The following HEATR5A variants were observed in gnomAD, a reference collection of about 807,000 sequenced individuals.
HEATR5A encodes HEAT repeat-containing protein 5A.
Under a neutral mutation model 218.8 loss-of-function variants are expected in HEATR5A, and 178 were observed. The ratio of observed to expected loss-of-function variants is 0.81; its 90% CI spans 0.72 to 0.92. The LOEUF is 0.92. Among genes scored for constraint, HEATR5A ranks in the 40% least tolerant of loss-of-function variants. HEATR5A has a pLI of 0.00. For missense variants in HEATR5A, 2,420 were observed against 2,418.9 expected (o/e 1.00, Z -0.01); for synonymous variants, 864 against 871.6 (o/e 0.99, Z 0.15).
rs185481032 is a variant in HEATR5A, at chr14:31,311,940, G to A, written c.4441+1028C>T. Reference sequence around the variant, plus strand: ...TGGACTGCACAATCTGAGCTGACCCGAATGGCCACTTGTATATATTTTTCT... The same window carrying A: ...TGGACTGCACAATCTGAGCTGACCCAAATGGCCACTTGTATATATTTTTCT... On this transcript the variant is annotated intron_variant, in intron 28 of 35. Transcript: ENST00000543095. 1.4e-4 allele frequency among the ~76,000 whole-genome samples: 21 copies of A among 152,294 alleles called. No homozygotes were observed. The East Asian group carries it at 3.1e-3, about 22-fold the overall frequency.
intron 13 of HEATR5A, among the ~76,000 whole-genome samples, chr14:31,367,892 A>G (rs548293041): frequency 8.5e-5 from 13 of 152,192 alleles, no homozygotes; most frequent in Non-Finnish European, 1.8e-4. Flanking sequence ...ATAAATGAGA[A>G]TATAATACAT....
chr14:31,386,706 A>G (rs1433328090), intron 8 of HEATR5A, 131 bp from the exon 9 acceptor site: 5 of 723,390 alleles, frequency 6.9e-6, no homozygotes, highest in Non-Finnish European at 1.1e-5. Flanking sequence ...ACTTGAGGCA[A>G]TAACTAAAAT....
At chr14:31,312,129 A>G (rs1421905610) in intron 28 of HEATR5A, among the ~76,000 whole-genome samples, 1 of 152,196 alleles carries the variant, frequency 6.6e-6, no homozygotes. Context: ...GCAAGGAGAA[A>G]CAAGAAAGTT....
intron 1 of HEATR5A, among the ~76,000 whole-genome samples, chr14:31,406,078 C>T (rs1421273210): frequency 1.3e-5 from 2 of 152,170 alleles, no homozygotes; most frequent in Non-Finnish European, 2.9e-5. Context: ...GGGCATTTTG[C>T]AAACAGATGG....
chr14:31,318,203 C>T (rs1362940692), intron 26 of HEATR5A, 21 bp downstream of exon 26: 8 of 1,604,594 alleles, frequency 5.0e-6, no homozygotes, highest in Admixed American at 1.7e-5. Context: ...ATCTCTTAAG[C>T]TTCATCTTTT....
At chr14:31,360,822 ATATTTATTGAAGCT>A (rs775500398) in intron 14 of HEATR5A, among the ~76,000 whole-genome samples, 1 of 151,988 alleles carries the variant, frequency 6.6e-6, no homozygotes, top group Non-Finnish European at 1.5e-5. Flanking sequence ...GTAACAACAA[ATATTTATTGAAGCT>A]TACTTTTTTT....
intron 1 of HEATR5A, among the ~76,000 whole-genome samples, chr14:31,418,931 AAAT>A (rs879939890): frequency 2.0e-5 from 3 of 152,202 alleles, no homozygotes; most frequent in Non-Finnish European, 4.4e-5. Context: ...ACAAGTAAAA[AAAT>A]AATTTTTTTC....
At chr14:31,295,557 CTTT>C (rs766889885) in intron 34 of HEATR5A, 15 of 108,540 alleles carry the variant, frequency 1.4e-4, no homozygotes, top group Admixed American at 3.0e-4. Context: ...GCCTCCCTTT[CTTT>C]TTTTTTTTTT....
rs145795069 is a variant in HEATR5A at position 31,384,619 on chromosome 14, C to T, written c.1346-848G>A. ...TTGGTTCACTGCAACCTTCGCCTTC[C>T]GGGTTTAAGTGATCCTCTCGCCTCA... On this transcript the variant is annotated intron_variant, in intron 9 of 35. Transcript: ENST00000543095. Among the ~76,000 whole-genome samples the T allele has an allele frequency of 7.3e-5, 11 of 151,522 alleles. No individual in the cohort carries two copies. In the East Asian group the frequency reaches 9.8e-4, roughly 13 times the overall value.
intron 1 of HEATR5A, among the ~76,000 whole-genome samples, chr14:31,404,950 T>A (rs1469217350): frequency 6.7e-6 from 1 of 149,976 alleles, no homozygotes; most frequent in Non-Finnish European, 1.5e-5. Flanking sequence ...CAGTGCCATG[T>A]GCGATGGCTC....
chr14:31,418,661 T>C (rs541010469), intron 1 of HEATR5A, among the ~76,000 whole-genome samples: 1 of 152,252 alleles, frequency 6.6e-6, no homozygotes, highest in Non-Finnish European at 1.5e-5. Flanking sequence ...AGAAGTGTTA[T>C]TTATATGAGG....
intron 9 of HEATR5A, among the ~76,000 whole-genome samples, chr14:31,385,005 GAAACATGTAAGTT>G (rs570311693): frequency 9.1e-4 from 138 of 152,244 alleles, no homozygotes; most frequent in Non-Finnish European, 1.5e-3. Flanking sequence ...AAACTTTCAT[GAAACATGTAAGTT>G]TCATGTCAAA....
Position 31,394,088 on chromosome 14 carries a change from A to C in HEATR5A, c.736T>G (p.Leu246Val). The C allele has an allele frequency of 6.5e-7, 1 of 1,532,952 alleles. No homozygotes were observed. The highest frequency in any genetic ancestry group is 8.7e-7 in the Non-Finnish European group (1 of 1,145,196). 95.0% of individuals were successfully genotyped at this position (1,532,952 alleles called of 1,614,324 possible). A position where few individuals can be genotyped will look rare whatever the true frequency, so the allele number is the denominator to read the frequency against. The change falls in exon 6 of 36, where the codon TTA becomes GTA. Residue 246 changes from leucine (L) to valine (V), a missense_variant. By Grantham distance (32) the Leu-to-Val change is conservative. Transcript: ENST00000543095. ...ISVSKLLGII[L>V]AKAVISKHPG... is the part of the protein sequence containing the mutation. ...TGTTTAGAAATTACAGCTTTAGCTA[A>C]TATTATGCCTAGTAACTTTGAAACA...
At chr14:31,387,661 G>A (rs914643444) in intron 7 of HEATR5A, among the ~76,000 whole-genome samples, 1 of 151,776 alleles carries the variant, frequency 6.6e-6, no homozygotes, top group African/African-American at 2.4e-5. Context: ...CTGGGTTCAC[G>A]CCATTCTCCT....
At chr14:31,420,433 C>T (rs1454755882) in intron 1 of HEATR5A, 39 bp downstream of exon 1, 1 of 152,930 alleles carries the variant, frequency 6.5e-6, no homozygotes, top group Non-Finnish European at 1.5e-5. Context: ...CCCCTCGCGC[C>T]CGGAGGTGTC....
chr14:31,367,965 T>C (rs1012991281), intron 13 of HEATR5A, among the ~76,000 whole-genome samples: 1 of 152,128 alleles, frequency 6.6e-6, no homozygotes, highest in African/African-American at 2.4e-5. Context: ...ATGGGACAGT[T>C]TGTTATCCAT....
At chr14:31,316,086 A>G (rs1595089319) in intron 26 of HEATR5A, 137 bp from the exon 27 acceptor site, 1 of 605,098 alleles carries the variant, frequency 1.7e-6, no homozygotes, top group East Asian at 2.9e-5. Context: ...AGTTTGAGAC[A>G]AGCCTGGGCA....
At chr14:31,378,569 C>T (rs1175891244) in intron 11 of HEATR5A, among the ~76,000 whole-genome samples, 2 of 152,124 alleles carry the variant, frequency 1.3e-5, no homozygotes, top group African/African-American at 2.4e-5. Context: ...AGGTGGATCA[C>T]GAAGTCAGCA....
chr14:31,347,746 A>G lies in HEATR5A; in HGVS notation c.2868+2T>C, dbSNP rs1324951179. 1.3e-6 allele frequency: 2 copies of G among 1,587,696 alleles called. No homozygotes were observed. The highest frequency in any genetic ancestry group is 1.7e-6 in the Non-Finnish European group (2 of 1,169,764). On this transcript the variant is annotated splice_donor_variant, in intron 19 of 35. Coordinates refer to ENST00000543095, the MANE Select transcript of HEATR5A (RefSeq NM_015473.4). LOFTEE classifies it high-confidence loss of function. Reference sequence around the variant, plus strand: ...AAGGGAAGTATCACATGAGGTACCCACCTGCACATCAGGAGAAGTGCTGTC... The same window carrying G: ...AAGGGAAGTATCACATGAGGTACCCGCCTGCACATCAGGAGAAGTGCTGTC...
Sources: gnomAD v4.1 joint callset for allele counts (sites outside exome capture counted in the v4.1 genomes callset) on GRCh38, gnomAD v4.1.1 for gene constraint, MANE v1.5 for transcripts, NCBI Gene and HGNC (gene_info 2026-07-23, HGNC 2026-07-21) for gene names.